Variants in BRWD3 observed in about 807,000 individuals in gnomAD.
The protein encoded by BRWD3 is bromodomain and WD repeat domain containing 3.
In BRWD3, 10 loss-of-function variants were observed where a neutral mutation model predicts 149.7. That is an observed-to-expected ratio of 0.07 (90% CI 0.04 to 0.11). The LOEUF (loss-of-function observed/expected upper bound fraction) is 0.11. Ranked by LOEUF, BRWD3 falls within the 10% of genes least tolerant of loss-of-function variation. BRWD3 has a pLI of 1.00. For missense variants in BRWD3, 940 were observed against 1,373.2 expected (o/e 0.68, Z 4.99); for synonymous variants, 504 against 456.7 (o/e 1.10, Z -1.32).
At chrX:80,801,540 C>T (rs1362705670) in intron 4 of BRWD3, among the ~76,000 whole-genome samples, 6 of 109,332 alleles carry the variant, frequency 5.5e-5, no homozygotes, top group African/African-American at 1.3e-4. Context: ...AACAGGGTAA[C>T]TTAAAATACG....
chrX:80,772,349 T>C (rs913229338), intron 6 of BRWD3, among the ~76,000 whole-genome samples: 12 of 111,521 alleles, frequency 1.1e-4, no homozygotes, highest in African/African-American at 3.9e-4. Context: ...ACCATCATTC[T>C]GAGCAAACTA....
chrX:80,768,223 G>C (rs185279570), intron 6 of BRWD3, among the ~76,000 whole-genome samples: 1 of 110,855 alleles, frequency 9.0e-6, no homozygotes, highest in Non-Finnish European at 1.9e-5. Context: ...TCAGGAAATA[G>C]AGAGACCACC....
chrX:80,769,198 A>C (rs2073903992), intron 6 of BRWD3, among the ~76,000 whole-genome samples: 1 of 111,413 alleles, frequency 9.0e-6, no homozygotes, highest in Non-Finnish European at 1.9e-5. Flanking sequence ...CAGAAGGTTA[A>C]CAAGGATATC....
At chrX:80,708,668 T>G (rs765947246) in intron 21 of BRWD3, among the ~76,000 whole-genome samples, 1 of 111,034 alleles carries the variant, frequency 9.0e-6, no homozygotes, top group Admixed American at 9.5e-5. Context: ...ATACAAAAAT[T>G]AGCCATGCAT....
intron 26 of BRWD3, among the ~76,000 whole-genome samples, chrX:80,696,325 T>C (rs2072691801): frequency 9.0e-6 from 1 of 111,061 alleles, no homozygotes; most frequent in Non-Finnish European, 1.9e-5. Context: ...ATTATTCCTA[T>C]TATTATTAAC....
chrX:80,736,154 G>T, intron 8 of BRWD3, 66 bp from the exon 9 acceptor site: 2 of 674,692 alleles, frequency 3.0e-6, no homozygotes, highest in Non-Finnish European at 4.5e-6. Flanking sequence ...CAAACACGGA[G>T]TATTTTCAAA....
chrX:80,766,964 G>A (rs958817290), intron 6 of BRWD3, among the ~76,000 whole-genome samples: 17 of 112,293 alleles, frequency 1.5e-4, no homozygotes, highest in Non-Finnish European at 2.3e-4. Flanking sequence ...ATTATAGCCC[G>A]CACCTGTCTC....
At chrX:80,783,439 T>C (rs1333483780) in intron 6 of BRWD3, among the ~76,000 whole-genome samples, 1 of 108,897 alleles carries the variant, frequency 9.2e-6, no homozygotes, top group Non-Finnish European at 1.9e-5. Context: ...TGGTGAGGTT[T>C]TGGAGAAAAG....
At chrX:80,736,273 T>A (rs2147778834) in intron 8 of BRWD3, among the ~76,000 whole-genome samples, 185 bp from the exon 9 acceptor site, 1 of 111,751 alleles carries the variant, frequency 8.9e-6, no homozygotes, top group South Asian at 3.7e-4. Flanking sequence ...AAATTTAAAA[T>A]ATCAAAAAAA....
chrX:80,702,275 A>G (rs2072801568), intron 24 of BRWD3, among the ~76,000 whole-genome samples: 1 of 112,518 alleles, frequency 8.9e-6, no homozygotes, highest in Admixed American at 9.4e-5. Flanking sequence ...CATACACATT[A>G]GTCTTGAAGC....
At chrX:80,748,265 G>A (rs1441391528) in intron 6 of BRWD3, among the ~76,000 whole-genome samples, 3 of 111,039 alleles carry the variant, frequency 2.7e-5, no homozygotes, top group Admixed American at 9.6e-5. Context: ...TGCCCACCTC[G>A]GCCTCCCAAA....
At chrX:80,808,492 G>A (rs754138035) in intron 4 of BRWD3, 47 bp downstream of exon 4, 1 of 1,088,019 alleles carries the variant, frequency 9.2e-7, no homozygotes, top group Admixed American at 2.2e-5. Flanking sequence ...AGGTGGGGAG[G>A]GAGTGGTGAA....
rs751427582 is a variant in BRWD3, at chrX:80,677,208, A to G, written c.4810T>C (p.Ser1604Pro). 8.3e-7 allele frequency: 1 copy of G among 1,210,144 alleles called. No individual in the cohort carries two copies. Among genetic ancestry groups the G allele is most frequent in the East Asian group, 3.0e-5 (1 of 33,795 alleles). The change falls in exon 41 of 41, where the codon TCA (serine) becomes CCA (proline). Residue 1604 changes from serine (S) to proline (P), a missense_variant. Transcript: ENST00000373275. ...CTGGATCCTAACTCTCCACTCTCTG[A>G]GGTGGATAAATGAGATTTCTCTTTT... ...ETKEKSHLST[S>P]ESGELGSSLS...
intron 8 of BRWD3, among the ~76,000 whole-genome samples, chrX:80,737,692 G>A (rs2087108551): frequency 8.9e-6 from 1 of 111,953 alleles, no homozygotes; most frequent in South Asian, 3.7e-4. Context: ...AAAATTAGCT[G>A]GGCATGGTGG....
At chrX:80,743,572 G>C (rs915001292) in intron 8 of BRWD3, 1 of 111,998 alleles carries the variant, frequency 8.9e-6, no homozygotes, top group Non-Finnish European at 1.9e-5. Context: ...CTCAATTTCC[G>C]AGCCTGTTAT....
At chrX:80,807,036 G>C (rs2074354992) in intron 4 of BRWD3, among the ~76,000 whole-genome samples, 1 of 111,951 alleles carries the variant, frequency 8.9e-6, no homozygotes, top group Non-Finnish European at 1.9e-5. Context: ...AAATGTAAAG[G>C]AAAACATTTT....
intron 4 of BRWD3, among the ~76,000 whole-genome samples, chrX:80,800,463 C>T (rs757453213): frequency 9.6e-6 from 1 of 104,242 alleles, no homozygotes; most frequent in African/African-American, 3.5e-5. Context: ...TTGATTGAGC[C>T]CGGGAGGTGG....
chrX:80,747,911 T>G (rs1349249606), intron 6 of BRWD3, among the ~76,000 whole-genome samples: 1 of 112,234 alleles, frequency 8.9e-6, no homozygotes, highest in African/African-American at 3.2e-5. Flanking sequence ...ACTATATGGA[T>G]GCATTTTGTT....
rs963552381 is a variant in BRWD3 at position 80,674,401 on chromosome X, A to C, written c.*2208T>G. The C allele has an allele frequency of 9.0e-6, 1 of 111,565 alleles. No homozygotes were observed. The highest frequency in any genetic ancestry group is 3.3e-5 in the African/African-American group (1 of 30,768). 9.2% of individuals were successfully genotyped at this position (111,565 alleles called of 1,213,427 possible). ...CTACATTTCAAGAGGTCAGCTCTTC[A>C]TAGAAGAATGTCAACAAAAAATTTC... On this transcript the variant is annotated 3_prime_UTR_variant, in exon 41 of 41. Coordinates refer to ENST00000373275, the MANE Select transcript of BRWD3 (RefSeq NM_153252.5).
Sources: gnomAD v4.1 joint callset for allele counts (sites outside exome capture counted in the v4.1 genomes callset) on GRCh38, gnomAD v4.1.1 for gene constraint, MANE v1.5 for transcripts, NCBI Gene and HGNC (gene_info 2026-07-23, HGNC 2026-07-21) for gene names.